Variants in GALK2 observed in about 807,000 individuals in gnomAD.
GALK2 encodes galactokinase 2.
A neutral mutation model predicts 52.4 loss-of-function variants in GALK2; 36 were observed. The ratio of observed to expected loss-of-function variants is 0.69; its 90% CI spans 0.53 to 0.91. The LOEUF (loss-of-function observed/expected upper bound fraction) is 0.91. Among genes scored for constraint, GALK2 ranks in the 40% least tolerant of loss-of-function variants. The probability of loss-of-function intolerance (pLI) is 0.00; values close to 1 mark genes in which losing one functional copy is unlikely to be tolerated. For synonymous variants in GALK2, 176 were observed against 199.1 expected, an observed-to-expected ratio of 0.88 and a Z score of 0.98; for missense variants, 579 against 559.1, an observed-to-expected ratio of 1.04 and a Z score of -0.36.
In GALK2 at chr15:49,196,637, A is replaced by C. The variant is rs532322050; in HGVS notation, c.54-4525A>C. 4.5e-4 allele frequency among the ~76,000 whole-genome samples: 68 copies of C among 152,316 alleles called. 1 individual carries two copies. The highest frequency in any genetic ancestry group is 9.3e-4 in the Non-Finnish European group (63 of 68,024). ...TACATCCATAAAATTTACTTTATCA[A>C]GTTTATTGAGTCTTTTCTCTGTGTT... On this transcript the variant is annotated intron_variant, in intron 1 of 9. Transcript: ENST00000560031.
At chr15:49,159,233 C>T (rs1277663117) in intron 1 of GALK2, among the ~76,000 whole-genome samples, 1 of 152,112 alleles carries the variant, frequency 6.6e-6, no homozygotes, top group African/African-American at 2.4e-5. Context: ...GCAGAAATAA[C>T]ACTATTTTAA....
chr15:49,204,173 T>C (rs1250271293), intron 2 of GALK2, among the ~76,000 whole-genome samples: 1 of 152,070 alleles, frequency 6.6e-6, no homozygotes, highest in Non-Finnish European at 1.5e-5. Context: ...CTCTATTCTG[T>C]TCTATTGGTC....
chr15:49,308,923 A>G (rs2035764772), intron 8 of GALK2, among the ~76,000 whole-genome samples: 1 of 152,172 alleles, frequency 6.6e-6, no homozygotes, highest in Admixed American at 6.5e-5. Flanking sequence ...CCCCTTTTCC[A>G]TCTCAGGGAA....
chr15:49,226,408 C>T (rs1039447185), intron 3 of GALK2, among the ~76,000 whole-genome samples: 1 of 152,154 alleles, frequency 6.6e-6, no homozygotes, highest in Non-Finnish European at 1.5e-5. Context: ...TGTTGCTTCT[C>T]TATCTACTCT....
At chr15:49,367,091 C>T (rs2045343983) in intron 3 of GALK2, among the ~76,000 whole-genome samples, 2 of 152,162 alleles carry the variant, frequency 1.3e-5, no homozygotes. Context: ...GCCTAAAACT[C>T]TCTTTGGAGA....
intron 2 of GALK2, among the ~76,000 whole-genome samples, chr15:49,202,540 T>C (rs1268692088): frequency 5.9e-5 from 9 of 152,210 alleles, no homozygotes; most frequent in Non-Finnish European, 1.3e-4. Context: ...ATTTCACTCT[T>C]TTAGGTGGCT....
chr15:49,157,683 C>G (rs1327835302), intron 1 of GALK2, among the ~76,000 whole-genome samples: 2 of 151,978 alleles, frequency 1.3e-5, no homozygotes, highest in Non-Finnish European at 2.9e-5. Flanking sequence ...GATGTTAATG[C>G]TAGTTGAGAG....
chr15:49,171,594 G>T (rs139752006), intron 1 of GALK2, among the ~76,000 whole-genome samples: 43 of 152,270 alleles, frequency 2.8e-4, no homozygotes, highest in African/African-American at 9.1e-4. Context: ...ATAGAGTCCA[G>T]CACAGCTTTG....
chr15:49,284,579 CTGA>C (rs1438154340), intron 7 of GALK2, among the ~76,000 whole-genome samples: 1 of 152,142 alleles, frequency 6.6e-6, no homozygotes, highest in East Asian at 1.9e-4. Flanking sequence ...CTTTGATCTC[CTGA>C]TGGATACTGA....
chr15:49,334,561 G>A (rs938420736), downstream of GALK2, among the ~76,000 whole-genome samples: 10 of 151,958 alleles, frequency 6.6e-5, no homozygotes, highest in Non-Finnish European at 1.3e-4. Flanking sequence ...GTGTCCATCC[G>A]TTTTTCCCAC....
intron 3 of GALK2, among the ~76,000 whole-genome samples, chr15:49,353,000 C>T (rs1290307504): frequency 6.6e-6 from 1 of 152,162 alleles, no homozygotes; most frequent in East Asian, 1.9e-4. Flanking sequence ...GGACTATGCA[C>T]AGACAATGGC....
At chr15:49,208,212 T>A (rs1595669806) in intron 2 of GALK2, among the ~76,000 whole-genome samples, 1 of 152,246 alleles carries the variant, frequency 6.6e-6, no homozygotes. Context: ...TAGTTTGTTC[T>A]TGTTTCTTTA....
At position 49,329,698 on chromosome 15, in the gene GALK2, A is replaced by G. The variant is rs2038229877; in HGVS notation, c.*1539A>G. 1 of 974,520 alleles carries G rather than the reference A, an allele frequency of 1.0e-6. No individual in the cohort carries two copies. The highest frequency in any genetic ancestry group is 1.8e-5 in the African/African-American group (1 of 57,016). 60.4% of individuals were successfully genotyped at this position (974,520 alleles called of 1,614,324 possible). A position where few individuals can be genotyped will look rare whatever the true frequency, so the allele number is the denominator to read the frequency against. On this transcript the variant is annotated 3_prime_UTR_variant, in exon 10 of 10. Transcript: ENST00000560031. ...TGAGTTCTATAAATCCAAAAATCTG[A>G]AACCTGAATTTATTTAAATTTATAA...
chr15:49,336,252 T>C (rs1156622412), downstream of GALK2, among the ~76,000 whole-genome samples: 1 of 152,258 alleles, frequency 6.6e-6, no homozygotes, highest in East Asian at 1.9e-4. Flanking sequence ...TGTCCAAGTA[T>C]GTTGCTAATG....
chr15:49,248,060 GT>G (rs1218348188), intron 5 of GALK2, among the ~76,000 whole-genome samples: 1 of 152,136 alleles, frequency 6.6e-6, no homozygotes, highest in Non-Finnish European at 1.5e-5. Context: ...ACTTTTCTGA[GT>G]TTACAAGTGC....
At chr15:49,288,342 T>G (rs2033595573) in intron 7 of GALK2, among the ~76,000 whole-genome samples, 1 of 152,194 alleles carries the variant, frequency 6.6e-6, no homozygotes, top group Non-Finnish European at 1.5e-5. Flanking sequence ...TGAGAAGCAG[T>G]GAAAGAGAGA....
chr15:49,363,650 C>A (rs940530661), intron 3 of GALK2, among the ~76,000 whole-genome samples: 1 of 152,136 alleles, frequency 6.6e-6, no homozygotes, highest in East Asian at 1.9e-4. Context: ...GCCAGGACTT[C>A]CAATACTATG....
chr15:49,312,852 A>G (rs572246115), intron 8 of GALK2, among the ~76,000 whole-genome samples: 1 of 152,340 alleles, frequency 6.6e-6, no homozygotes, highest in African/African-American at 2.4e-5. Flanking sequence ...ACAGATTATA[A>G]TTCAATACAT....
intron 3 of GALK2, among the ~76,000 whole-genome samples, chr15:49,352,978 T>C (rs2151315361): frequency 6.6e-6 from 1 of 152,356 alleles, no homozygotes; most frequent in East Asian, 1.9e-4. Flanking sequence ...GTTATTCTGG[T>C]AGTCTTTTAG....
Sources: allele counts gnomAD v4.1 joint callset (sites outside exome capture counted in the v4.1 genomes callset), GRCh38; gene constraint gnomAD v4.1.1; transcripts MANE v1.5; gene names NCBI Gene and HGNC (gene_info 2026-07-23, HGNC 2026-07-21).